Variants in MAP3K15 observed in about 807,000 individuals in gnomAD.
MAP3K15 encodes the protein MAPK/ERK kinase kinase 15.
A neutral mutation model predicts 99.5 loss-of-function variants in MAP3K15; 124 were observed. That is an observed-to-expected ratio of 1.25 (90% confidence interval 1.08 to 1.45). The LOEUF (loss-of-function observed/expected upper bound fraction) is 1.45. MAP3K15 is among the 40% of genes most tolerant of loss of function. The probability of loss-of-function intolerance (pLI) is 0.00; values close to 1 mark genes in which losing one functional copy is unlikely to be tolerated. For synonymous variants in MAP3K15, 494 were observed against 439.6 expected, an observed-to-expected ratio of 1.12 and a Z score of -1.55; for missense variants, 1,242 against 1,079.7, an observed-to-expected ratio of 1.15 and a Z score of -2.11.
intron 3 of MAP3K15, among the ~76,000 whole-genome samples, chrX:19,470,427 G>T: frequency 1.8e-5 from 2 of 110,099 alleles, no homozygotes; most frequent in South Asian, 8.0e-4. Context: ...GGGAGGGATA[G>T]CATTAGGTGC....
At chrX:19,401,750 T>A (rs1000700245) in intron 13 of MAP3K15, among the ~76,000 whole-genome samples, 2 of 112,016 alleles carry the variant, frequency 1.8e-5, no homozygotes, top group African/African-American at 6.5e-5. Flanking sequence ...CTTCCTAGAC[T>A]TGTGCAGTTT....
At chrX:19,404,363 A>G (rs148354427) in intron 13 of MAP3K15, among the ~76,000 whole-genome samples, 269 of 112,253 alleles carry the variant, frequency 2.4e-3, no homozygotes, top group Non-Finnish European at 3.3e-3. Flanking sequence ...AACCTAAGTA[A>G]ATAGAAATCC....
intron 1 of MAP3K15, among the ~76,000 whole-genome samples, chrX:19,511,136 GA>G (rs776976560): frequency 3.6e-5 from 4 of 111,435 alleles, no homozygotes; most frequent in Non-Finnish European, 5.6e-5. Context: ...ACTGAAACTG[GA>G]CCCCTTTCTT....
intron 13 of MAP3K15, among the ~76,000 whole-genome samples, chrX:19,401,572 G>T: frequency 9.0e-6 from 1 of 111,562 alleles, no homozygotes; most frequent in Non-Finnish European, 1.9e-5. Flanking sequence ...GGGGACTATT[G>T]CCTCTCAAAG....
intron 7 of MAP3K15, 125 bp downstream of exon 7, chrX:19,431,313 A>G: frequency 1.6e-6 from 1 of 607,222 alleles, no homozygotes; most frequent in Non-Finnish European, 2.4e-6. Context: ...GACCACATTT[A>G]CTACAAATGT....
chrX:19,420,187 T>C (rs2063771158), intron 9 of MAP3K15, among the ~76,000 whole-genome samples: 2 of 110,504 alleles, frequency 1.8e-5, no homozygotes, highest in South Asian at 7.6e-4. Flanking sequence ...ATAACTAAGA[T>C]CAGAGCAGAA....
intron 9 of MAP3K15, among the ~76,000 whole-genome samples, chrX:19,419,649 G>A (rs2063766437): frequency 9.0e-6 from 1 of 111,085 alleles, no homozygotes; most frequent in Non-Finnish European, 1.9e-5. Context: ...AAGTTAACAA[G>A]GATATCCAGG....
intron 13 of MAP3K15, among the ~76,000 whole-genome samples, chrX:19,402,194 C>T (rs1243285054): frequency 9.2e-6 from 1 of 108,860 alleles, no homozygotes; most frequent in Non-Finnish European, 1.9e-5. Context: ...ACTCAGGAGA[C>T]TGAGGTAGGA....
chrX:19,377,319 G>A (rs2063425627), intron 19 of MAP3K15, among the ~76,000 whole-genome samples: 1 of 112,168 alleles, frequency 8.9e-6, no homozygotes, highest in African/African-American at 3.2e-5. Flanking sequence ...TTTGGGACGC[G>A]GAGGCAGGTG....
At chrX:19,430,590 C>A (rs183205470) in intron 7 of MAP3K15, among the ~76,000 whole-genome samples, 7 of 111,693 alleles carry the variant, frequency 6.3e-5, no homozygotes, top group African/African-American at 2.3e-4. Flanking sequence ...ACAGTGAGTA[C>A]TCTTGTTAAA....
chrX:19,436,822 C>A (rs915550907), intron 6 of MAP3K15, among the ~76,000 whole-genome samples: 1 of 111,203 alleles, frequency 9.0e-6, no homozygotes, highest in Non-Finnish European at 1.9e-5. Context: ...GGATTACAGG[C>A]GTGCACCACC....
At chrX:19,477,544 T>C (rs1057013773) in intron 3 of MAP3K15, among the ~76,000 whole-genome samples, 2 of 105,906 alleles carry the variant, frequency 1.9e-5, no homozygotes, top group African/African-American at 6.8e-5. Flanking sequence ...ACCCCATCTC[T>C]ACTAAAAACA....
At chrX:19,454,494 G>C (rs1213369327) in intron 6 of MAP3K15, among the ~76,000 whole-genome samples, 1 of 111,875 alleles carries the variant, frequency 8.9e-6, no homozygotes. Flanking sequence ...ATGGGCTTCT[G>C]AACGCAGTGG....
chrX:19,488,484 G>A (rs908026714), intron 2 of MAP3K15, among the ~76,000 whole-genome samples: 2 of 111,714 alleles, frequency 1.8e-5, no homozygotes, highest in Non-Finnish European at 3.8e-5. Flanking sequence ...GCTCATGAAG[G>A]AATTCAGAAC....
chrX:19,481,115 C>CAAAAAAAAAAAAA (rs60578003), intron 3 of MAP3K15, among the ~76,000 whole-genome samples: 11 of 55,258 alleles, frequency 2.0e-4, no homozygotes, highest in Non-Finnish European at 2.6e-4. Context: ...GAACTTGTCT[C>CAAAAAAAAAAAAA]AAAAAAAAAA....
chrX:19,497,870 C>T lies in MAP3K15; in HGVS notation c.362-8903G>A, dbSNP rs988252567. 6 of 111,188 alleles carry T rather than the reference C, an allele frequency of 5.4e-5. No homozygotes were observed. The East Asian group carries it at 1.7e-3, about 31-fold the overall frequency. The allele number at this position is 111,188 out of a possible 1,213,427, so 9.2% of individuals were successfully genotyped here. On this transcript the variant is annotated intron_variant, in intron 1 of 28. Coordinates refer to ENST00000338883, the MANE Select transcript of MAP3K15 (RefSeq NM_001001671.4). ...TGGCACAAGTTTGCGTTCCTCTGCA[C>T]AGGACAAGGAATGGGGTTAGGATGC... is the stretch of plus-strand genomic sequence containing the variant.
intron 9 of MAP3K15, among the ~76,000 whole-genome samples, chrX:19,420,753 T>A (rs1164083994): frequency 4.5e-5 from 5 of 111,702 alleles, no homozygotes; most frequent in Non-Finnish European, 9.4e-5. Context: ...TAGACCAATA[T>A]CCTTGATGAA....
chrX:19,420,602 G>A (rs2063776225), intron 9 of MAP3K15, among the ~76,000 whole-genome samples: 1 of 111,495 alleles, frequency 9.0e-6, no homozygotes, highest in South Asian at 3.8e-4. Context: ...TCTACCAGAG[G>A]TACAATGAGG....
rs772686610 is a variant in MAP3K15, at chrX:19,506,319, C to T, written c.361+8582G>A. On this transcript the variant is annotated intron_variant, in intron 1 of 28. Transcript: ENST00000338883. ...TCCTGACCTCAAGTGATCCACCCAC[C>T]TTGGCCTCCCAAAGAGCTGGGATTA... Among the ~76,000 whole-genome samples, 3 of 111,504 alleles carry T rather than the reference C, an allele frequency of 2.7e-5. No individual in the cohort carries two copies. In the South Asian group the frequency reaches 1.1e-3, roughly 42 times the overall value.
Sources: gnomAD v4.1 joint callset for allele counts (sites outside exome capture counted in the v4.1 genomes callset) on GRCh38, gnomAD v4.1.1 for gene constraint, MANE v1.5 for transcripts, NCBI Gene and HGNC (gene_info 2026-07-23, HGNC 2026-07-21) for gene names.